DNM1L: variants seen among roughly 807,000 people sequenced by gnomAD.
DNM1L encodes dynamin 1L, also known as dynamin-1-like protein.
Under a neutral mutation model 92.8 loss-of-function variants are expected in DNM1L, and 33 were observed. The observed-to-expected ratio is 0.36, with a 90% CI of 0.27 to 0.48. DNM1L has a LOEUF of 0.48. Ranked by LOEUF, DNM1L falls within the 20% of genes least tolerant of loss-of-function variation. The pLI, the probability that DNM1L is intolerant of heterozygous loss-of-function variation, is 0.99. For missense variants in DNM1L, 485 were observed against 888.8 expected (o/e 0.55, Z 5.78); for synonymous variants, 284 against 305.0 (o/e 0.93, Z 0.72).
chr12:32,739,847 C>A, intron 16 of DNM1L: 2 of 573,594 alleles, frequency 3.5e-6, no homozygotes, highest in Non-Finnish European at 3.0e-6. Context: ...TGGTTGATGC[C>A]TTGCAAACAA....
intron 12 of DNM1L, chr12:32,732,404 G>C: frequency 2.4e-6 from 1 of 422,576 alleles, no homozygotes; most frequent in South Asian, 1.7e-5. Context: ...CTACTATTCT[G>C]TGGGTTGCTG....
intron 4 of DNM1L, 149 bp from the exon 5 acceptor site, chr12:32,710,780 G>A: frequency 3.2e-6 from 2 of 629,820 alleles, no homozygotes; most frequent in Non-Finnish European, 5.3e-6. Flanking sequence ...GACTTCCCAT[G>A]TGTTTCATCA....
intron 5 of DNM1L, among the ~76,000 whole-genome samples, chr12:32,711,622 C>T (rs887204586): frequency 3.9e-5 from 6 of 152,048 alleles, no homozygotes; most frequent in Non-Finnish European, 7.4e-5. Flanking sequence ...CTGTTTGGTG[C>T]AGTGGCTTAT....
In DNM1L at chr12:32,744,378, A is replaced by G. The variant is rs1955512890; in HGVS notation, c.*968A>G. On this transcript the variant is annotated 3_prime_UTR_variant, in exon 20 of 20. Coordinates refer to ENST00000549701, the MANE Select transcript of DNM1L (RefSeq NM_012062.5). ...CTTCATAGCTTCATACCAACAAAAT[A>G]TATTTATTAGAATAGTATGAAAGTA... The G allele has an allele frequency of 6.4e-6, 1 of 155,434 alleles. No individual in the cohort carries two copies. Among genetic ancestry groups the G allele is most frequent in the African/African-American group, 2.4e-5 (1 of 41,492 alleles). 9.6% of individuals were successfully genotyped at this position (155,434 alleles called of 1,614,324 possible). A position where few individuals can be genotyped will look rare whatever the true frequency, so the allele number is the denominator to read the frequency against.
At chr12:32,738,710 A>C (rs944485617) in intron 16 of DNM1L, among the ~76,000 whole-genome samples, 1 of 152,156 alleles carries the variant, frequency 6.6e-6, no homozygotes, top group Non-Finnish European at 1.5e-5. Context: ...CATATGCTTC[A>C]GAAGCTTAAG....
intron 13 of DNM1L, among the ~76,000 whole-genome samples, chr12:32,734,205 T>C (rs908395527): frequency 6.6e-6 from 1 of 152,228 alleles, no homozygotes; most frequent in Non-Finnish European, 1.5e-5. Context: ...AGAGTGCTTT[T>C]TTCACCACTA....
chr12:32,718,010 A>G (rs1358888928), intron 6 of DNM1L, among the ~76,000 whole-genome samples: 1 of 123,372 alleles, frequency 8.1e-6, no homozygotes, highest in Non-Finnish European at 1.6e-5. Flanking sequence ...TATAATATAT[A>G]TAGTATATAT....
At chr12:32,732,529 C>T (rs935773194) in intron 12 of DNM1L, 1 of 455,910 alleles carries the variant, frequency 2.2e-6, no homozygotes, top group Non-Finnish European at 4.4e-6. Context: ...TCTTTCTGAT[C>T]ACTAAAAGTG....
Position 32,708,191 on chromosome 12 carries a change from A to G in DNM1L, c.336A>G (p.Glu112=), listed in dbSNP as rs1952997025. 6.2e-7 allele frequency: 1 copy of G among 1,606,186 alleles called. No individual in the cohort carries two copies. The change falls in exon 4 of 20, where the codon GAA becomes GAG. Residue 112 remains glutamate (E), a synonymous_variant. Transcript: ENST00000549701. ...TTGATGAAATTCGACAAGAAATTGA[A>G]AATGAAACAGAAAGAATTTCAGGAA... is the stretch of plus-strand genomic sequence containing the variant. The part of the protein sequence containing the change: ...TDFDEIRQEI[E]NETERISGNN...
intron 6 of DNM1L, 112 bp downstream of exon 6, chr12:32,713,483 A>G: frequency 1.7e-6 from 2 of 1,162,904 alleles, no homozygotes; most frequent in South Asian, 2.6e-5. Context: ...ATACAAATTT[A>G]AAAGATAATG....
intron 13 of DNM1L, among the ~76,000 whole-genome samples, chr12:32,734,931 G>T (rs77040380): frequency 0.012 from 1,887 of 152,254 alleles, 36 homozygotes; most frequent in African/African-American, 0.035. Flanking sequence ...CTAATTTTTG[G>T]TTACATAGCT....
At position 32,737,138 on chromosome 12, in the gene DNM1L, C is replaced by CCTT; in HGVS notation, c.1575_1577dup (p.Ser526dup). ...GAGAAACAGGCTAGCCAGAGAATTA[C>CCTT]CTTCAGCTGTATCACGAGACAAGGT... On this transcript the variant is annotated inframe_insertion, in exon 14 of 20. Coordinates refer to ENST00000549701, the MANE Select transcript of DNM1L (RefSeq NM_012062.5). 1 of 1,613,696 alleles carries CCTT rather than the reference C, an allele frequency of 6.2e-7. No individual in the cohort carries two copies.
chr12:32,687,793 C>A (rs1450850861), intron 1 of DNM1L, among the ~76,000 whole-genome samples: 1 of 151,914 alleles, frequency 6.6e-6, no homozygotes, highest in Admixed American at 6.6e-5. Flanking sequence ...ATTCTCAGTT[C>A]TATTCTGCTT....
chr12:32,717,520 C>T (rs1265518930), intron 6 of DNM1L, among the ~76,000 whole-genome samples: 1 of 113,960 alleles, frequency 8.8e-6, no homozygotes, highest in Non-Finnish European at 1.7e-5. Context: ...AGACGGAGTC[C>T]TGCTCTGCAT....
At chr12:32,693,410 A>G (rs970898621) in intron 1 of DNM1L, among the ~76,000 whole-genome samples, 2 of 151,922 alleles carry the variant, frequency 1.3e-5, no homozygotes, top group African/African-American at 2.4e-5. Context: ...TTTTCCCTGA[A>G]TTTTTTCTGT....
intron 2 of DNM1L, among the ~76,000 whole-genome samples, 183 bp downstream of exon 2, chr12:32,701,745 G>A (rs1952708971): frequency 6.6e-6 from 1 of 151,176 alleles, no homozygotes; most frequent in Non-Finnish European, 1.5e-5. Flanking sequence ...TTTTGTTTTT[G>A]AGACGGAGGT....
rs150134681 is a variant in DNM1L, at chr12:32,738,422, T to C, written c.1707+126T>C. ...TCTCTTGTCTGTGTTATGTTCTTAA[T>C]GTTCCTTTTATCTAACCTGTGGAAG... On this transcript the variant is annotated intron_variant, in intron 16 of 19. Transcript: ENST00000549701. 4,730 of 1,062,872 alleles carry C rather than the reference T, an allele frequency of 4.5e-3. 27 individuals are homozygous for C. Among genetic ancestry groups the C allele is most frequent in the Middle Eastern group, 9.5e-3 (47 of 4,944 alleles). The allele number at this position is 1,062,872 out of a possible 1,614,324, so 65.8% of individuals were successfully genotyped here.
At chr12:32,689,029 AGCT>A (rs1434925694) in intron 1 of DNM1L, among the ~76,000 whole-genome samples, 1 of 152,206 alleles carries the variant, frequency 6.6e-6, no homozygotes. Context: ...TGCTGTGAAT[AGCT>A]GCTGCACTCC....
intron 12 of DNM1L, 183 bp from the exon 13 acceptor site, chr12:32,733,532 A>T: frequency 1.7e-6 from 1 of 585,640 alleles, no homozygotes; most frequent in South Asian, 2.2e-5. Flanking sequence ...ATAATTTTAA[A>T]GCTAGAGTAA....
Sources: allele counts gnomAD v4.1 joint callset (sites outside exome capture counted in the v4.1 genomes callset), GRCh38; gene constraint gnomAD v4.1.1; transcripts MANE v1.5; gene names NCBI Gene and HGNC (gene_info 2026-07-23, HGNC 2026-07-21).